UBASH3A: variants seen among roughly 807,000 people sequenced by gnomAD.
The protein encoded by UBASH3A is ubiquitin associated and SH3 domain containing A.
A neutral mutation model predicts 73.5 loss-of-function variants in UBASH3A; 63 were observed. That is an observed-to-expected ratio of 0.86 (90% CI 0.70 to 1.06). UBASH3A has a LOEUF of 1.06. UBASH3A is among the 50% of genes least tolerant of loss of function. UBASH3A has a pLI of 0.00. For missense variants in UBASH3A, 860 were observed against 859.0 expected (o/e 1.00, Z -0.02); for synonymous variants, 363 against 351.1 (o/e 1.03, Z -0.38).
chr21:42,431,337 G>T (rs777249236), intron 8 of UBASH3A, among the ~76,000 whole-genome samples: 7 of 152,220 alleles, frequency 4.6e-5, no homozygotes, highest in Non-Finnish European at 1.5e-5. Context: ...CAAAGCACAG[G>T]CTCCCCAGAA....
chr21:42,443,462 G>A (rs762132586), intron 13 of UBASH3A, 44 bp downstream of exon 13: 2 of 1,500,220 alleles, frequency 1.3e-6, no homozygotes, highest in South Asian at 1.3e-5. Context: ...CCTGGGGCTT[G>A]GGGAATTATC....
intron 13 of UBASH3A, 45 bp downstream of exon 13, chr21:42,443,463 G>A: frequency 6.7e-7 from 1 of 1,493,552 alleles, no homozygotes; most frequent in Non-Finnish European, 9.0e-7. Flanking sequence ...CTGGGGCTTG[G>A]GGAATTATCT....
intron 10 of UBASH3A, among the ~76,000 whole-genome samples, chr21:42,436,201 C>T (rs1457744003): frequency 6.7e-6 from 1 of 149,110 alleles, no homozygotes; most frequent in Non-Finnish European, 1.5e-5. Flanking sequence ...AGTTATAGAG[C>T]TATAGAGTCA....
rs771558115 is a variant in UBASH3A, at chr21:42,413,509, A to G, written c.653A>G (p.Tyr218Cys). 3.5e-5 allele frequency: 56 copies of G among 1,613,290 alleles called. No individual in the cohort carries two copies. The highest frequency in any genetic ancestry group is 5.3e-5 in the African/African-American group (4 of 74,918). Residue 218 changes from tyrosine to cysteine, a missense_variant, in exon 5 of 15, where the codon TAC becomes TGC. Transcript: ENST00000319294. This position sits in a 1 kb window ranked among gnomAD's most constrained non-coding sequence, Gnocchi z 4.5. ...ACTAGAGCCTCCTTCGTGAGCCACTACATCCTTCAAAAATGTAAGCCATTA... is the reference window on the plus strand; with the variant it reads ...ACTAGAGCCTCCTTCGTGAGCCACTGCATCCTTCAAAAATGTAAGCCATTA... ...NLTRASFVSH[Y>C]ILQKYCSVKP...
At chr21:42,408,675 A>G (rs1404727470) in intron 2 of UBASH3A, among the ~76,000 whole-genome samples, 2 of 151,978 alleles carry the variant, frequency 1.3e-5, no homozygotes, top group Non-Finnish European at 2.9e-5. Flanking sequence ...GAGCTATTTT[A>G]TTTCCATTTT....
intron 9 of UBASH3A, 52 bp downstream of exon 9, chr21:42,432,254 A>C: frequency 8.4e-7 from 1 of 1,191,706 alleles, no homozygotes; most frequent in Non-Finnish European, 1.2e-6. Flanking sequence ...GATCTAACCA[A>C]TGAGATCTCC....
chr21:42,416,546 C>G lies in UBASH3A; in HGVS notation c.772C>G (p.Leu258Val), dbSNP rs761989757. The G allele has an allele frequency of 1.2e-6, 2 of 1,610,564 alleles. No homozygotes were observed. The highest frequency in any genetic ancestry group is 2.7e-5 in the African/African-American group (2 of 74,862). The change falls in exon 6 of 15, where the codon CTG (leucine) becomes GTG (valine). Residue 258 changes from leucine (L) to valine (V), a missense_variant. Transcript: ENST00000319294. ...GGAGCAGCTGGCCAGAGCCATCCCC[C>G]TGGGCCACAGCTGCCAGTGGACCGC... ...TLEQLARAIP[L>V]GHSCQWTAAL...
In UBASH3A at chr21:42,413,300, G is replaced by T; in HGVS notation, c.553+78G>T. ...CCCTCTGTGGCAGGGACTAGCCCCC[G>T]GCACATGGATGCAGTGGGTGGGTTC... On this transcript the variant is annotated intron_variant, in intron 4 of 14. Transcript: ENST00000319294. The surrounding 1 kb of genome is among the most constrained non-coding windows in gnomAD (Gnocchi z 4.5). 1 of 1,564,094 alleles carries T rather than the reference G, an allele frequency of 6.4e-7. No homozygotes were observed. Among genetic ancestry groups the T allele is most frequent in the Non-Finnish European group, 8.8e-7 (1 of 1,138,500 alleles).
At chr21:42,439,082 G>A (rs916415343) in intron 11 of UBASH3A, among the ~76,000 whole-genome samples, 2 of 152,068 alleles carry the variant, frequency 1.3e-5, no homozygotes, top group Non-Finnish European at 2.9e-5. Flanking sequence ...CGCTCCCTCA[G>A]AGCACCTTCA....
rs956012631 is a variant in UBASH3A, at chr21:42,406,439, C to T, written c.167+78C>T. On this transcript the variant is annotated intron_variant, in intron 2 of 14. Transcript: ENST00000319294. ...GCCTAAGGACTCCCTCCCACCAGGG[C>T]TGATACCAGGAAGAGCCGGGCGCCT... 1.6e-5 allele frequency: 21 copies of T among 1,273,554 alleles called. No individual in the cohort carries two copies. In the African/African-American group the frequency reaches 2.9e-4, roughly 18 times the overall value. 78.9% of individuals were successfully genotyped at this position (1,273,554 alleles called of 1,614,324 possible).
chr21:42,410,236 C>T, intron 3 of UBASH3A: 1 of 694,422 alleles, frequency 1.4e-6, no homozygotes, highest in Non-Finnish European at 2.6e-6. Context: ...GGGAGCTGCT[C>T]AGGAGAAAAG....
intron 6 of UBASH3A, among the ~76,000 whole-genome samples, chr21:42,417,769 G>A (rs868720969): frequency 6.6e-6 from 1 of 151,898 alleles, no homozygotes. Context: ...CGAGGAAGGC[G>A]GATGTGAAAG....
In UBASH3A at chr21:42,418,392, C is replaced by G; in HGVS notation, c.838-9C>G. The G allele has an allele frequency of 6.2e-7, 1 of 1,604,878 alleles. No individual in the cohort carries two copies. The highest frequency in any genetic ancestry group is 8.5e-7 in the Non-Finnish European group (1 of 1,172,114). On this transcript the variant is annotated splice_polypyrimidine_tract_variant and intron_variant, in intron 6 of 14. Coordinates refer to ENST00000319294, the MANE Select transcript of UBASH3A (RefSeq NM_018961.4). ...CTCGAGACGTGAAACCCCTTTGCCT[C>G]TTTTCTAGACCCTGAGAGCCCTATT...
chr21:42,413,423 C>T lies in UBASH3A; in HGVS notation c.567C>T (p.Ser189=). The T allele has an allele frequency of 6.2e-7, 1 of 1,613,620 alleles. No homozygotes were observed. ...GTCCTCACCCAGGCACTTCCGTTTC[C>T]CGCTTCTGGATTTTCAGCCAGGTGC... The part of the protein sequence containing the change: ...EASLLAGTSV[S]RFWIFSQVPG... The change falls in exon 5 of 15, where the codon TCC becomes TCT. Residue 189 remains serine (S), a synonymous_variant. Coordinates refer to ENST00000319294, the MANE Select transcript of UBASH3A (RefSeq NM_018961.4). This position sits in a 1 kb window ranked among gnomAD's most constrained non-coding sequence, Gnocchi z 4.5.
chr21:42,416,830 G>A (rs1479076190), intron 6 of UBASH3A, among the ~76,000 whole-genome samples: 1 of 152,192 alleles, frequency 6.6e-6, no homozygotes, highest in Non-Finnish European at 1.5e-5. Flanking sequence ...CTACTCAGGA[G>A]GCTGAGGCAG....
At chr21:42,406,416 C>G (rs2052977824) in intron 2 of UBASH3A, 55 bp downstream of exon 2, 4 of 1,449,942 alleles carry the variant, frequency 2.8e-6, no homozygotes, top group East Asian at 2.3e-5. Context: ...TTCCCTGTGC[C>G]TAAGGACTCC....
At position 42,447,313 on chromosome 21, in the gene UBASH3A, A is replaced by C; in HGVS notation, c.*119A>C. 9.2e-7 allele frequency: 1 copy of C among 1,090,050 alleles called. No individual in the cohort carries two copies. The highest frequency in any genetic ancestry group is 1.3e-6 in the Non-Finnish European group (1 of 762,760). 67.5% of individuals were successfully genotyped at this position (1,090,050 alleles called of 1,614,324 possible). A position where few individuals can be genotyped will look rare whatever the true frequency, so the allele number is the denominator to read the frequency against. On this transcript the variant is annotated 3_prime_UTR_variant, in exon 15 of 15. Transcript: ENST00000319294. The stretch of plus-strand genomic sequence containing the variant: ...CTCACCCAATGTGATTTGTAGAAGC[A>C]CGAGACGCACTTTTATATCCCGGAA...
intron 8 of UBASH3A, among the ~76,000 whole-genome samples, chr21:42,431,768 A>T (rs17114911): frequency 0.039 from 5,896 of 152,340 alleles, 125 homozygotes; most frequent in African/African-American, 0.053. Context: ...ATAGATAGGG[A>T]TAATGTCCTA....
At chr21:42,437,656 T>C in intron 11 of UBASH3A, 76 bp downstream of exon 11, 1 of 1,345,654 alleles carries the variant, frequency 7.4e-7, no homozygotes, top group Non-Finnish European at 1.1e-6. Context: ...GGGAAGGGAG[T>C]GGAGGTGGAA....
Sources: allele counts gnomAD v4.1 joint callset (sites outside exome capture counted in the v4.1 genomes callset), GRCh38; gene constraint gnomAD v4.1.1; non-coding constraint Gnocchi (gnomAD v3.1); transcripts MANE v1.5; gene names NCBI Gene and HGNC (gene_info 2026-07-23, HGNC 2026-07-21).